MGAT4A: variants seen among roughly 807,000 people sequenced by gnomAD.
MGAT4A encodes the protein alpha-1,3-mannosyl-glycoprotein 4-beta-N-acetylglucosaminyltransferase A.
In MGAT4A, 33 loss-of-function variants were observed where a neutral mutation model predicts 74.1. The observed-to-expected ratio is 0.45, with a 90% confidence interval of 0.34 to 0.60. The LOEUF is 0.60. Among genes scored for constraint, MGAT4A ranks in the 20% least tolerant of loss-of-function variants. MGAT4A has a pLI of 0.02. For synonymous variants in MGAT4A, 198 were observed against 210.4 expected (o/e 0.94, Z 0.51); for missense variants, 479 against 628.3 (o/e 0.76, Z 2.54).
Position 98,726,307 on chromosome 2 carries a change from G to A in MGAT4A, c.26C>T (p.Ala9Val), listed in dbSNP as rs759287983. The A allele has an allele frequency of 1.2e-6, 2 of 1,613,986 alleles. No homozygotes were observed. Among genetic ancestry groups the A allele is most frequent in the South Asian group, 2.2e-5 (2 of 91,072 alleles). The change falls in exon 2 of 16, where the codon GCC (alanine) becomes GTC (valine). Residue 9 changes from alanine (A) to valine (V), a missense_variant. Around this residue, in one of 3 missense-constraint regions of MGAT4A, gnomAD observed 205 missense variants for 232.7 expected, o/e 0.88. Transcript: ENST00000393487. The part of the protein sequence containing the change: MRLRNGTV[A>V]TALAFITSFL... ...GGAAGTGATAAATGCTAAAGCAGTG[G>A]CTACAGTTCCATTGCGGAGCCTCAT... is the stretch of plus-strand genomic sequence containing the variant.
chr2:98,693,749 C>CAAACTGAT (rs917846220), intron 2 of MGAT4A, among the ~76,000 whole-genome samples: 17 of 151,656 alleles, frequency 1.1e-4, no homozygotes, highest in Non-Finnish European at 1.2e-4. Context: ...ATACTTCACT[C>CAAACTGAT]AAACTGATAA....
intron 8 of MGAT4A, among the ~76,000 whole-genome samples, chr2:98,652,353 CAG>C (rs1370162232): frequency 7.4e-6 from 1 of 135,008 alleles, no homozygotes; most frequent in East Asian, 2.1e-4. Context: ...TTTTTTGAGA[CAG>C]AGTCTCACTG....
intron 4 of MGAT4A, among the ~76,000 whole-genome samples, chr2:98,671,560 G>T (rs556075829): frequency 2.6e-5 from 4 of 152,016 alleles, no homozygotes; most frequent in Admixed American, 2.6e-4. Flanking sequence ...TCATTTTCTA[G>T]AACATTCCAC....
At chr2:98,696,393 G>A (rs1459204376) in intron 2 of MGAT4A, among the ~76,000 whole-genome samples, 3 of 152,212 alleles carry the variant, frequency 2.0e-5, no homozygotes, top group Non-Finnish European at 4.4e-5. Flanking sequence ...TGTGGCAACA[G>A]GCAGTTTTCC....
rs199646612 is a variant in MGAT4A at position 98,719,161 on chromosome 2, AGT to A, written c.94+7076_94+7077del. Among the ~76,000 whole-genome samples, 317 of 152,342 alleles carry A rather than the reference AGT, an allele frequency of 2.1e-3. 2 individuals carry two copies. The highest frequency in any genetic ancestry group is 7.4e-3 in the African/African-American group (307 of 41,576). The stretch of plus-strand genomic sequence containing the variant: ...AGAACCTGCAAAAGAGGTGGAAAGG[AGT>A]CCTCCTGGGGTCAGAAAAATATCGG... On this transcript the variant is annotated intron_variant, in intron 2 of 15. Coordinates refer to ENST00000393487, the MANE Select transcript of MGAT4A (RefSeq NM_012214.3).
At chr2:98,709,332 T>C (rs1702482616) in intron 2 of MGAT4A, among the ~76,000 whole-genome samples, 1 of 152,178 alleles carries the variant, frequency 6.6e-6, no homozygotes, top group South Asian at 2.1e-4. Flanking sequence ...ATCGGTTCTA[T>C]TATTTCTCTG....
intron 2 of MGAT4A, among the ~76,000 whole-genome samples, chr2:98,718,370 T>C (rs903085919): frequency 6.6e-6 from 1 of 152,222 alleles, no homozygotes; most frequent in East Asian, 1.9e-4. Context: ...TGATCCCCTG[T>C]GAAGTGAAAC....
At chr2:98,636,422 G>T in intron 13 of MGAT4A, 95 bp downstream of exon 13, 1 of 928,046 alleles carries the variant, frequency 1.1e-6, no homozygotes, top group Non-Finnish European at 1.7e-6. Flanking sequence ...TGCAAATCAT[G>T]AGAATTTTCT....
Position 98,678,459 on chromosome 2 carries a change from G to A in MGAT4A, c.107C>T (p.Ala36Val). 1 of 1,572,566 alleles carries A rather than the reference G, an allele frequency of 6.4e-7. No individual in the cohort carries two copies. Residue 36 changes from alanine (A) to valine (V), a missense_variant, in exon 3 of 16, where the codon GCT becomes GTT. Ala to Val is a moderately conservative substitution (Grantham distance 64, BLOSUM62 0). Coordinates refer to ENST00000393487, the MANE Select transcript of MGAT4A (RefSeq NM_012214.3). ...CAAAGCAAGGAATTCTCGTTGATAA[G>A]CAATCAGTTTTTCTAGAAGCAAAAC... Reference protein sequence around the residue: ...TWQNGKEKLIAYQREFLALKE... With the variant: ...TWQNGKEKLIVYQREFLALKE...
At position 98,711,799 on chromosome 2, in the gene MGAT4A, G is replaced by A. The variant is rs28419445; in HGVS notation, c.94+14440C>T. 7.6e-3 allele frequency among the ~76,000 whole-genome samples: 1,152 copies of A among 152,086 alleles called. 16 individuals carry two copies. Among genetic ancestry groups the A allele is most frequent in the African/African-American group, 0.027 (1,113 of 41,462 alleles). ...ACCACAGACAAAAGCCATCACACTC[G>A]GCTAATTTTTACATTTTTTGTAGAG... On this transcript the variant is annotated intron_variant, in intron 2 of 15. Coordinates refer to ENST00000393487, the MANE Select transcript of MGAT4A (RefSeq NM_012214.3).
chr2:98,662,316 ATAGT>A (rs1701764052), intron 5 of MGAT4A, among the ~76,000 whole-genome samples: 1 of 152,206 alleles, frequency 6.6e-6, no homozygotes, highest in Non-Finnish European at 1.5e-5. Context: ...ATAATTTGAA[ATAGT>A]TATATTTATG....
In MGAT4A at chr2:98,621,966, T is replaced by C; in HGVS notation, c.*3600A>G. 3 of 989,684 alleles carry C rather than the reference T, an allele frequency of 3.0e-6. No individual in the cohort carries two copies. Among genetic ancestry groups the C allele is most frequent in the Non-Finnish European group, 3.6e-6 (3 of 832,730 alleles). The allele number at this position is 989,684 out of a possible 1,614,324, so 61.3% of individuals were successfully genotyped here. ...CACACATACGTATCTACAGCCTATG[T>C]GCTAAATAATCCTTTGTGTTAACTT... On this transcript the variant is annotated 3_prime_UTR_variant, in exon 16 of 16. Transcript: ENST00000393487.
At chr2:98,716,344 G>A (rs767986052) in intron 2 of MGAT4A, among the ~76,000 whole-genome samples, 97 of 152,242 alleles carry the variant, frequency 6.4e-4, no homozygotes, top group Admixed American at 5.9e-4. Flanking sequence ...GTAGCTGGGC[G>A]TGGTGGCTCA....
intron 2 of MGAT4A, among the ~76,000 whole-genome samples, chr2:98,681,084 A>G (rs1395202119): frequency 6.6e-6 from 1 of 152,072 alleles, no homozygotes; most frequent in Non-Finnish European, 1.5e-5. Context: ...CCGGGTTCAC[A>G]CCATTCTCCT....
chr2:98,685,222 G>A (rs1389586096), intron 2 of MGAT4A, among the ~76,000 whole-genome samples: 3 of 144,182 alleles, frequency 2.1e-5, no homozygotes, highest in African/African-American at 5.2e-5. Context: ...GGGTGATAGA[G>A]CAAGACCCTG....
At chr2:98,659,190 A>T (rs1701708037) in intron 5 of MGAT4A, among the ~76,000 whole-genome samples, 1 of 152,202 alleles carries the variant, frequency 6.6e-6, no homozygotes, top group Non-Finnish European at 1.5e-5. Context: ...TTCTCCTCTA[A>T]GAGGTAAACG....
At chr2:98,728,912 G>A (rs961891239) in intron 1 of MGAT4A, among the ~76,000 whole-genome samples, 1 of 152,072 alleles carries the variant, frequency 6.6e-6, no homozygotes, top group Non-Finnish European at 1.5e-5. Flanking sequence ...ACTTTCAGCT[G>A]CTATCTACTT....
intron 3 of MGAT4A, among the ~76,000 whole-genome samples, chr2:98,677,880 C>G (rs1003677426): frequency 7.3e-6 from 1 of 137,198 alleles, no homozygotes; most frequent in Non-Finnish European, 1.5e-5. Context: ...AAAGGGCTGG[C>G]TTATAAACTA....
chr2:98,698,589 C>T (rs1353112768), intron 2 of MGAT4A, among the ~76,000 whole-genome samples: 1 of 152,086 alleles, frequency 6.6e-6, no homozygotes, highest in Non-Finnish European at 1.5e-5. Context: ...TCATTTTCCC[C>T]TTCATTATCC....
Sources: allele counts gnomAD v4.1 joint callset (sites outside exome capture counted in the v4.1 genomes callset), GRCh38; gene constraint gnomAD v4.1.1; regional missense constraint gnomAD v4.1.1; transcripts MANE v1.5; gene names NCBI Gene and HGNC (gene_info 2026-07-23, HGNC 2026-07-21).